Variants in POLR2C observed in about 807,000 individuals in gnomAD.
POLR2C encodes DNA-directed RNA polymerase II subunit RPB3.
POLR2C carries 36 observed loss-of-function variants against 41.7 expected under a neutral mutation model. The ratio of observed to expected loss-of-function variants is 0.86; its 90% CI spans 0.66 to 1.14. The LOEUF is 1.14. Ranked by LOEUF, POLR2C falls within the 50% of genes most tolerant of loss-of-function variation. The pLI, the probability that POLR2C is intolerant of heterozygous loss-of-function variation, is 0.00. For synonymous variants in POLR2C, 133 were observed against 137.8 expected, an observed-to-expected ratio of 0.96 and a Z score of 0.25; for missense variants, 260 against 350.4, an observed-to-expected ratio of 0.74 and a Z score of 2.06.
At chr16:57,462,836 G>T (rs56071497) in intron 1 of POLR2C, 26 bp downstream of exon 1, 64,078 of 1,577,350 alleles carry the variant, frequency 0.041, 1,523 homozygotes, top group Non-Finnish European at 0.047. Flanking sequence ...GAAGAGGCTG[G>T]CGGCTCTGGG....
At chr16:57,470,391 G>T in intron 8 of POLR2C, 37 bp downstream of exon 8, 1 of 1,498,842 alleles carries the variant, frequency 6.7e-7, no homozygotes, top group East Asian at 2.4e-5. Context: ...GTGAAGTGTG[G>T]AAGAAGGGAT....
intron 4 of POLR2C, among the ~76,000 whole-genome samples, chr16:57,468,514 G>T (rs1452712939): frequency 1.3e-5 from 2 of 152,194 alleles, no homozygotes; most frequent in African/African-American, 4.8e-5. Context: ...CCTAGTAACT[G>T]TCTTCTTGCC....
In POLR2C at chr16:57,469,698, G is replaced by T; in HGVS notation, c.388-12G>T. On this transcript the variant is annotated splice_polypyrimidine_tract_variant and intron_variant, in intron 5 of 8. Coordinates refer to ENST00000219252, the MANE Select transcript of POLR2C (RefSeq NM_032940.3). The surrounding 1 kb of genome is among the most constrained non-coding windows in gnomAD (Gnocchi z 5.8). The stretch of plus-strand genomic sequence containing the variant: ...GTGAGCAGCTAATGAATGCCTGGTG[G>T]ACTCCCTACAGGTGACATCCCGGAA... 1 of 1,609,892 alleles carries T rather than the reference G, an allele frequency of 6.2e-7. No homozygotes were observed. Among genetic ancestry groups the T allele is most frequent in the Non-Finnish European group, 8.5e-7 (1 of 1,178,076 alleles).
intron 2 of POLR2C, among the ~76,000 whole-genome samples, chr16:57,465,172 G>C (rs889400061): frequency 7.9e-5 from 12 of 152,166 alleles, no homozygotes; most frequent in African/African-American, 1.2e-4. Flanking sequence ...GGTTCTCTCA[G>C]TTGGCTTGGA....
At position 57,469,321 on chromosome 16, in the gene POLR2C, C is replaced by T; in HGVS notation, c.387+28C>T. 3 of 1,613,558 alleles carry T rather than the reference C, an allele frequency of 1.9e-6. No individual in the cohort carries two copies. Among genetic ancestry groups the T allele is most frequent in the South Asian group, 2.2e-5 (2 of 91,062 alleles). On this transcript the variant is annotated intron_variant, in intron 5 of 8. Transcript: ENST00000219252. The surrounding 1 kb of genome is among the most constrained non-coding windows in gnomAD (Gnocchi z 5.8). ...CAGTGCGGGAGAGCATCCTCTTTTCCCTGGGATCTTTTCTCTTCTCTGGCT... is the reference window on the plus strand; with the variant it reads ...CAGTGCGGGAGAGCATCCTCTTTTCTCTGGGATCTTTTCTCTTCTCTGGCT...
At chr16:57,463,837 G>A in intron 2 of POLR2C, 2 of 317,126 alleles carry the variant, frequency 6.3e-6, no homozygotes, top group Non-Finnish European at 1.2e-5. Context: ...CAGCTACTGG[G>A]GAGGCTGAGG....
intron 2 of POLR2C, chr16:57,465,698 A>G (rs573519680): frequency 6.8e-6 from 3 of 442,582 alleles, no homozygotes; most frequent in South Asian, 7.0e-5. Context: ...TTCCACTTCT[A>G]TGATATTCTA....
At chr16:57,462,883 G>A (rs2030608058) in intron 1 of POLR2C, 73 bp downstream of exon 1, 2 of 1,282,960 alleles carry the variant, frequency 1.6e-6, no homozygotes, top group Non-Finnish European at 1.1e-6. Flanking sequence ...CGGGGCAGGG[G>A]GCGGGGGTGT....
At position 57,469,296 on chromosome 16, in the gene POLR2C, C is replaced by A; in HGVS notation, c.387+3C>A. The A allele has an allele frequency of 6.2e-7, 1 of 1,612,634 alleles. No homozygotes were observed. Among genetic ancestry groups the A allele is most frequent in the South Asian group, 1.1e-5 (1 of 91,052 alleles). The stretch of plus-strand genomic sequence containing the variant: ...CCAACAGCCCCCGGGTCATTCCGGT[C>A]AGTGCGGGAGAGCATCCTCTTTTCC... On this transcript the variant is annotated splice_donor_region_variant and intron_variant, in intron 5 of 8. Coordinates refer to ENST00000219252, the MANE Select transcript of POLR2C (RefSeq NM_032940.3). This position sits in a 1 kb window ranked among gnomAD's most constrained non-coding sequence, Gnocchi z 5.8.
At chr16:57,462,918 C>A in intron 1 of POLR2C, 108 bp downstream of exon 1, 1 of 1,208,614 alleles carries the variant, frequency 8.3e-7, no homozygotes, top group South Asian at 1.3e-5. Flanking sequence ...GGGGCGATGT[C>A]CTTCCAGAGC....
At chr16:57,466,363 G>A in intron 4 of POLR2C, 136 bp downstream of exon 4, 2 of 683,000 alleles carry the variant, frequency 2.9e-6, no homozygotes, top group Non-Finnish European at 5.2e-6. Flanking sequence ...GTTGTCTAGA[G>A]CCTGGGCAGG....
At chr16:57,468,324 A>G (rs2030754775) in intron 4 of POLR2C, among the ~76,000 whole-genome samples, 1 of 152,178 alleles carries the variant, frequency 6.6e-6, no homozygotes, top group Non-Finnish European at 1.5e-5. Context: ...GCCCCATTTC[A>G]TATTTCTAAA....
chr16:57,470,953 T>C (rs779176955), intron 8 of POLR2C, 22 bp from the exon 9 acceptor site: 9 of 1,611,008 alleles, frequency 5.6e-6, no homozygotes, highest in South Asian at 1.1e-5. Flanking sequence ...CGCAGTGCAC[T>C]CACTGGACTC....
intron 2 of POLR2C, 47 bp downstream of exon 2, chr16:57,463,125 C>T (rs531254557): frequency 2.2e-5 from 31 of 1,423,888 alleles, no homozygotes; most frequent in African/African-American, 4.2e-5. Flanking sequence ...GTTCCTGCCC[C>T]GCTCTCCACC....
In POLR2C at chr16:57,471,036, C is replaced by G; in HGVS notation, c.745C>G (p.Leu249Val). 5 of 1,613,372 alleles carry G rather than the reference C, an allele frequency of 3.1e-6. No homozygotes were observed. The highest frequency in any genetic ancestry group is 4.2e-6 in the Non-Finnish European group (5 of 1,179,306). Residue 249 changes from leucine to valine, a missense_variant, in exon 9 of 9, where the codon CTC becomes GTC. By Grantham distance (32) the Leu-to-Val change is conservative. Transcript: ENST00000219252. ...TCCTGAAACCATTGTCCTGTCAGCC[C>G]TCTCAGGATTGAAGAAGAAACTGAG... is the stretch of plus-strand genomic sequence containing the variant. ...LRPETIVLSA[L>V]SGLKKKLSDL...
In POLR2C at chr16:57,463,022, C is replaced by CT; in HGVS notation, c.87-4dup. The CT allele has an allele frequency of 6.2e-7, 1 of 1,611,748 alleles. No individual in the cohort carries two copies. The highest frequency in any genetic ancestry group is 8.5e-7 in the Non-Finnish European group (1 of 1,179,026). On this transcript the variant is annotated splice_region_variant and splice_polypyrimidine_tract_variant and intron_variant, in intron 1 of 8. Transcript: ENST00000219252. Reference sequence around the variant, plus strand: ...GCCTTCACGCCCCTTGGCTTTTGATCTTTCAGGGTGGCCAATTCGATTCGG... The same window carrying CT: ...GCCTTCACGCCCCTTGGCTTTTGATCTTTTCAGGGTGGCCAATTCGATTCGG...
Position 57,462,812 on chromosome 16 carries a change from T to C in POLR2C, c.86+2T>C. 1.3e-6 allele frequency: 2 copies of C among 1,597,562 alleles called. No homozygotes were observed. The highest frequency in any genetic ancestry group is 1.7e-6 in the Non-Finnish European group (2 of 1,174,010). On this transcript the variant is annotated splice_donor_variant, in intron 1 of 8. Coordinates refer to ENST00000219252, the MANE Select transcript of POLR2C (RefSeq NM_032940.3). LOFTEE classifies it high-confidence loss of function. ...CATCATCGAGAACACCGACCTGGCG[T>C]AAGGCTACCGAGGGAAGAGGCTGGC... is the stretch of plus-strand genomic sequence containing the variant.
intron 2 of POLR2C, among the ~76,000 whole-genome samples, chr16:57,465,277 C>G (rs1598043048): frequency 2.0e-5 from 3 of 152,124 alleles, no homozygotes; most frequent in African/African-American, 7.2e-5. Context: ...GTCTGTGTCC[C>G]TCGTTTGGCA....
At chr16:57,463,674 G>A (rs2030636623) in intron 2 of POLR2C, 2 of 452,892 alleles carry the variant, frequency 4.4e-6, no homozygotes, top group South Asian at 1.6e-5. Context: ...CTTCCAGGCC[G>A]CGCTCGCGCC....
Sources: gnomAD v4.1 joint callset for allele counts (sites outside exome capture counted in the v4.1 genomes callset) on GRCh38, gnomAD v4.1.1 for gene constraint, Gnocchi (gnomAD v3.1) non-coding constraint, MANE v1.5 for transcripts, NCBI Gene and HGNC (gene_info 2026-07-23, HGNC 2026-07-21) for gene names.